Variants in ATP2C2 observed in about 807,000 individuals in gnomAD.
ATP2C2 encodes the protein ATPase secretory pathway Ca2+ transporting 2, also known as calcium-transporting ATPase type 2C member 2.
A neutral mutation model predicts 110.8 loss-of-function variants in ATP2C2; 171 were observed. The observed-to-expected ratio is 1.54, with a 90% confidence interval of 1.36 to 1.75. ATP2C2 has a LOEUF of 1.75. Among genes scored for constraint, ATP2C2 ranks in the 40% most tolerant of loss-of-function variants. The probability of loss-of-function intolerance (pLI) is 0.00; values close to 1 mark genes in which losing one functional copy is unlikely to be tolerated. For synonymous variants in ATP2C2, 804 were observed against 508.4 expected, an observed-to-expected ratio of 1.58 and a Z score of -7.82; for missense variants, 1,963 against 1,235.0, an observed-to-expected ratio of 1.59 and a Z score of -8.84.
Position 84,441,012 on chromosome 16 carries a change from G to C in ATP2C2, c.1311+54G>C. On this transcript the variant is annotated intron_variant, in intron 14 of 26. Transcript: ENST00000262429. ...TAGGCATTTACATTGAGGCTTCTGG[G>C]GCTCCTCTCTGAAAAGGGAAACAGC... 8 of 1,403,362 alleles carry C rather than the reference G, an allele frequency of 5.7e-6. 1 individual carries two copies. The highest frequency in any genetic ancestry group is 8.0e-6 in the Non-Finnish European group (8 of 1,001,608). 86.9% of individuals were successfully genotyped at this position (1,403,362 alleles called of 1,614,324 possible). A position where few individuals can be genotyped will look rare whatever the true frequency, so the allele number is the denominator to read the frequency against.
intron 11 of ATP2C2, among the ~76,000 whole-genome samples, chr16:84,431,025 T>A (rs1455683581): frequency 6.6e-6 from 1 of 152,156 alleles, no homozygotes. Context: ...ATTGGGCATC[T>A]GTTGACTCTC....
chr16:84,379,423 C>T (rs1489656215), intron 1 of ATP2C2, among the ~76,000 whole-genome samples: 3 of 152,200 alleles, frequency 2.0e-5, no homozygotes, highest in African/African-American at 7.2e-5. Context: ...ACCGCGGTCT[C>T]CCAAAGTGTT....
rs1239269064 is a variant in ATP2C2, at chr16:84,463,820, T to G, written c.*88T>G. On this transcript the variant is annotated 3_prime_UTR_variant, in exon 27 of 27. Coordinates refer to ENST00000262429, the MANE Select transcript of ATP2C2 (RefSeq NM_014861.4). ...CGTGTCTCCTCGTCAGGGGAGACTT[T>G]TAGGAGGCCGCAGCCTTCCATCACC... The G allele has an allele frequency of 4.2e-6, 5 of 1,187,596 alleles. No individual in the cohort carries two copies. The highest frequency in any genetic ancestry group is 1.3e-5 in the South Asian group (1 of 78,650). The allele number at this position is 1,187,596 out of a possible 1,614,324, so 73.6% of individuals were successfully genotyped here.
At chr16:84,436,161 C>G (rs937236899) in intron 11 of ATP2C2, among the ~76,000 whole-genome samples, 5 of 152,224 alleles carry the variant, frequency 3.3e-5, no homozygotes, top group Admixed American at 6.5e-5. Flanking sequence ...GTGATATAGC[C>G]AGAAAATGTG....
At chr16:84,434,505 T>G (rs1208738739) in intron 11 of ATP2C2, among the ~76,000 whole-genome samples, 2 of 152,026 alleles carry the variant, frequency 1.3e-5, no homozygotes, top group Non-Finnish European at 2.9e-5. Flanking sequence ...TGGTCCATTC[T>G]AATCAATTTT....
chr16:84,441,407 T>G (rs1444408136), intron 14 of ATP2C2, among the ~76,000 whole-genome samples: 2 of 152,144 alleles, frequency 1.3e-5, no homozygotes, highest in Non-Finnish European at 2.9e-5. Flanking sequence ...GTGATGAATT[T>G]CCCCTATTGT....
chr16:84,443,478 C>T (rs1229917329), intron 15 of ATP2C2, among the ~76,000 whole-genome samples: 1 of 152,222 alleles, frequency 6.6e-6, no homozygotes, highest in African/African-American at 2.4e-5. Context: ...TCAGGGTGCT[C>T]ATCCCCCAGC....
intron 13 of ATP2C2, among the ~76,000 whole-genome samples, chr16:84,440,592 C>G (rs567739389): frequency 6.6e-6 from 1 of 152,222 alleles, no homozygotes; most frequent in African/African-American, 2.4e-5. Context: ...TATGCTAGTT[C>G]TTAGTTTTCT....
In ATP2C2 at chr16:84,408,514, T is replaced by C. The variant is rs1379625805; in HGVS notation, c.417+20T>C. ...GCCACGGTGAGTTCCCTGACAGCGC[T>C]CGGCTCCCGGGCGGGCAGCCACAGG... is the stretch of plus-strand genomic sequence containing the variant. On this transcript the variant is annotated intron_variant, in intron 4 of 26. Transcript: ENST00000262429. The C allele has an allele frequency of 6.2e-7, 1 of 1,602,722 alleles. No individual in the cohort carries two copies. Among genetic ancestry groups the C allele is most frequent in the Admixed American group, 1.7e-5 (1 of 59,822 alleles).
chr16:84,442,376 C>T, intron 14 of ATP2C2, 134 bp from the exon 15 acceptor site: 2 of 773,536 alleles, frequency 2.6e-6, no homozygotes, highest in South Asian at 3.1e-5. Flanking sequence ...TTTTAAAAAG[C>T]CGGGACGCTG....
chr16:84,377,455 C>G (rs1910314143), intron 1 of ATP2C2, among the ~76,000 whole-genome samples: 1 of 152,050 alleles, frequency 6.6e-6, no homozygotes, highest in Non-Finnish European at 1.5e-5. Context: ...GTTCTGGAGG[C>G]CAGAACTCCA....
At chr16:84,385,613 A>T (rs1904308633) in intron 1 of ATP2C2, among the ~76,000 whole-genome samples, 1 of 152,236 alleles carries the variant, frequency 6.6e-6, no homozygotes, top group Admixed American at 6.5e-5. Context: ...GAGACTGAGT[A>T]ATTTACAAAG....
rs1269131768 is a variant in ATP2C2 at position 84,412,315 on chromosome 16, C to CGTGTGTGTGCGTGTGT, written c.515+1553_515+1568dup. Among the ~76,000 whole-genome samples the CGTGTGTGTGCGTGTGT allele has an allele frequency of 5.7e-4, 61 of 106,966 alleles. No homozygotes were observed. The South Asian group carries it at 6.4e-3, about 11-fold the overall frequency. The allele number at this position is 106,966 out of a possible 152,430, so 70.2% of individuals were successfully genotyped here. A position where few individuals can be genotyped will look rare whatever the true frequency, so the allele number is the denominator to read the frequency against. ...ATGTGTGTGTGTGAGCATGTCTGCA[C>CGTGTGTGTGCGTGTGT]GTGTGTGTGCGTGTGTGTCTGTATG... On this transcript the variant is annotated intron_variant, in intron 6 of 26. Transcript: ENST00000262429.
At chr16:84,391,749 C>T (rs1904676872) in intron 1 of ATP2C2, among the ~76,000 whole-genome samples, 1 of 152,146 alleles carries the variant, frequency 6.6e-6, no homozygotes, top group Non-Finnish European at 1.5e-5. Context: ...ACTGAGAGAA[C>T]AAATTTCGGT....
intron 14 of ATP2C2, among the ~76,000 whole-genome samples, chr16:84,441,670 C>T (rs567980228): frequency 4.5e-4 from 68 of 152,328 alleles, no homozygotes; most frequent in African/African-American, 1.6e-3. Context: ...CCTATAATCC[C>T]AGCACTTTGG....
At chr16:84,399,092 A>C (rs767962354) in intron 2 of ATP2C2, among the ~76,000 whole-genome samples, 2 of 152,226 alleles carry the variant, frequency 1.3e-5, no homozygotes, top group African/African-American at 2.4e-5. Context: ...AGTGAGTTTG[A>C]ATTAATTCCT....
intron 16 of ATP2C2, among the ~76,000 whole-genome samples, chr16:84,448,017 C>T (rs374194054): frequency 5.9e-5 from 9 of 152,068 alleles, no homozygotes; most frequent in Admixed American, 1.3e-4. Flanking sequence ...AGGGCCTCCC[C>T]CCGTGGAGTT....
rs367900477 is a variant in ATP2C2 at position 84,454,808 on chromosome 16, C to G, written c.1981-10C>G. The G allele has an allele frequency of 1.3e-5, 21 of 1,575,986 alleles. No homozygotes were observed. Among genetic ancestry groups the G allele is most frequent in the African/African-American group, 9.6e-5 (7 of 73,044 alleles). On this transcript the variant is annotated splice_polypyrimidine_tract_variant and intron_variant, in intron 20 of 26. Transcript: ENST00000262429. ...AGGCTGCAGGCCTTCATTGCCTGCTCTTTCCAAAGGCTCTGCAGGAGTCAG... is the reference window on the plus strand; with the variant it reads ...AGGCTGCAGGCCTTCATTGCCTGCTGTTTCCAAAGGCTCTGCAGGAGTCAG...
At position 84,439,354 on chromosome 16, in the gene ATP2C2, C is replaced by T. The variant is rs1184874038; in HGVS notation, c.1111+64C>T. 5 of 1,613,022 alleles carry T rather than the reference C, an allele frequency of 3.1e-6. No individual in the cohort carries two copies. In the African/African-American group the frequency reaches 4.0e-5, roughly 13 times the overall value. ...TTGAATGGGGGCTTGGCTGTCAGGG[C>T]AATCCAGCCTGGGGGTTTCACAAGC... On this transcript the variant is annotated intron_variant, in intron 12 of 26. Coordinates refer to ENST00000262429, the MANE Select transcript of ATP2C2 (RefSeq NM_014861.4).
Sources: allele counts gnomAD v4.1 joint callset (sites outside exome capture counted in the v4.1 genomes callset), GRCh38; gene constraint gnomAD v4.1.1; transcripts MANE v1.5; gene names NCBI Gene and HGNC (gene_info 2026-07-23, HGNC 2026-07-21).